Variants in DOK5 observed in about 807,000 individuals in gnomAD.
DOK5 encodes downstream of tyrosine kinase 5.
In DOK5, 27 loss-of-function variants were observed where a neutral mutation model predicts 43.3. That is an observed-to-expected ratio of 0.62 (90% CI 0.46 to 0.86). The LOEUF (loss-of-function observed/expected upper bound fraction) is 0.86, where lower values mean the gene tolerates loss of function less well. Ranked by LOEUF, DOK5 falls within the 40% of genes least tolerant of loss-of-function variation. The pLI, the probability that DOK5 is intolerant of heterozygous loss-of-function variation, is 0.00. For missense variants in DOK5, 373 were observed against 392.9 expected (o/e 0.95, Z 0.43); for synonymous variants, 146 against 140.1 (o/e 1.04, Z -0.30).
intron 1 of DOK5, among the ~76,000 whole-genome samples, chr20:54,543,620 A>G (rs1044080273): frequency 6.6e-6 from 1 of 150,582 alleles, no homozygotes; most frequent in Admixed American, 6.6e-5. Flanking sequence ...GAGAGAGAGG[A>G]GGGGAAGGGA....
chr20:54,486,126 C>T (rs1386451868), intron 1 of DOK5, among the ~76,000 whole-genome samples: 2 of 152,088 alleles, frequency 1.3e-5, no homozygotes, highest in Non-Finnish European at 2.9e-5. Flanking sequence ...ATAGTTTTAT[C>T]TTTTATATTT....
rs775413736 is a variant in DOK5, at chr20:54,588,517, G to A, written c.209G>A (p.Arg70Gln). ...CTCAATAATGTGAAGAACGTAGCTC[G>A]ATTGCCAAAAAGCACCAAGAAACAT... Reference protein sequence around the residue: ...TELNNVKNVARLPKSTKKHAI... With the variant: ...TELNNVKNVAQLPKSTKKHAI... Residue 70 changes from arginine to glutamine, a missense_variant, in exon 3 of 8, where the codon CGA becomes CAA. Arg to Gln is a conservative substitution (Grantham distance 43, BLOSUM62 1). Coordinates refer to ENST00000262593, the MANE Select transcript of DOK5 (RefSeq NM_018431.5). The A allele has an allele frequency of 4.3e-6, 7 of 1,613,966 alleles. No homozygotes were observed. Among genetic ancestry groups the A allele is most frequent in the East Asian group, 2.2e-5 (1 of 44,890 alleles).
At chr20:54,504,538 T>A (rs900379182) in intron 1 of DOK5, among the ~76,000 whole-genome samples, 6 of 152,230 alleles carry the variant, frequency 3.9e-5, no homozygotes, top group Non-Finnish European at 8.8e-5. Flanking sequence ...AGTATCTTTC[T>A]CAACGTGAGG....
intron 1 of DOK5, among the ~76,000 whole-genome samples, chr20:54,485,465 T>A (rs1411876113): frequency 1.3e-5 from 2 of 152,110 alleles, no homozygotes; most frequent in Non-Finnish European, 2.9e-5. Flanking sequence ...CAGGTTGTTG[T>A]GTGTATAAGT....
intron 1 of DOK5, among the ~76,000 whole-genome samples, chr20:54,544,307 A>G (rs1258256193): frequency 6.6e-6 from 1 of 152,220 alleles, no homozygotes; most frequent in Admixed American, 6.5e-5. Flanking sequence ...TTCATAAAAT[A>G]CATGATTCTG....
intron 1 of DOK5, among the ~76,000 whole-genome samples, chr20:54,521,959 T>C (rs1983413616): frequency 6.6e-6 from 1 of 152,210 alleles, no homozygotes; most frequent in African/African-American, 2.4e-5. Flanking sequence ...AAATACATGT[T>C]TCTTGTTATA....
chr20:54,504,548 G>A (rs1022962674), intron 1 of DOK5, among the ~76,000 whole-genome samples: 6 of 152,174 alleles, frequency 3.9e-5, no homozygotes, highest in African/African-American at 1.4e-4. Context: ...TCAACGTGAG[G>A]TTCTGTGCCA....
intron 5 of DOK5, among the ~76,000 whole-genome samples, chr20:54,601,504 T>A (rs1986296736): frequency 6.6e-6 from 1 of 152,256 alleles, no homozygotes; most frequent in African/African-American, 2.4e-5. Flanking sequence ...TTATACTAGC[T>A]TTGTTCTATG....
At chr20:54,525,674 G>T (rs1354129735) in intron 1 of DOK5, among the ~76,000 whole-genome samples, 2 of 152,182 alleles carry the variant, frequency 1.3e-5, no homozygotes, top group Non-Finnish European at 2.9e-5. Flanking sequence ...CTACATTGAT[G>T]CAGAAGTCCA....
At chr20:54,542,992 T>C (rs536928560) in intron 1 of DOK5, among the ~76,000 whole-genome samples, 1 of 152,142 alleles carries the variant, frequency 6.6e-6, no homozygotes, top group South Asian at 2.1e-4. Context: ...TAGCTTAGAG[T>C]AGAGTAGCAT....
At chr20:54,492,563 CT>C (rs1370575977) in intron 1 of DOK5, among the ~76,000 whole-genome samples, 1 of 151,708 alleles carries the variant, frequency 6.6e-6, no homozygotes, top group Non-Finnish European at 1.5e-5. Flanking sequence ...AAGATAAGTC[CT>C]AAAAAAAAGA....
At chr20:54,646,705 T>C (rs1261859299) in intron 7 of DOK5, among the ~76,000 whole-genome samples, 1 of 152,210 alleles carries the variant, frequency 6.6e-6, no homozygotes, top group Non-Finnish European at 1.5e-5. Context: ...CTATACTACC[T>C]ACCTTCCCTC....
chr20:54,476,260 C>T, intron 1 of DOK5: 1 of 933,878 alleles, frequency 1.1e-6, no homozygotes, highest in Non-Finnish European at 1.3e-6. Flanking sequence ...GCTTCAGTAG[C>T]CCCTGGAGCC....
chr20:54,570,668 C>T (rs1985254876), intron 2 of DOK5, among the ~76,000 whole-genome samples: 3 of 151,810 alleles, frequency 2.0e-5, no homozygotes, highest in African/African-American at 7.3e-5. Context: ...TGGCTTTTGA[C>T]TTTGCAGCAT....
chr20:54,546,634 G>C (rs762646160), intron 1 of DOK5, among the ~76,000 whole-genome samples: 1 of 150,366 alleles, frequency 6.7e-6, no homozygotes, highest in Non-Finnish European at 1.5e-5. Context: ...TTTAGAGTTT[G>C]GAGAGAATGC....
intron 1 of DOK5, among the ~76,000 whole-genome samples, chr20:54,544,098 T>A (rs1433800534): frequency 6.6e-6 from 1 of 152,232 alleles, no homozygotes; most frequent in Non-Finnish European, 1.5e-5. Context: ...GGATTTTTAA[T>A]CTTCTTTATA....
intron 6 of DOK5, among the ~76,000 whole-genome samples, chr20:54,611,699 T>C (rs1420587796): frequency 6.6e-6 from 1 of 152,228 alleles, no homozygotes; most frequent in Non-Finnish European, 1.5e-5. Context: ...AATGTATATA[T>C]AGAGCTTCAC....
At chr20:54,566,679 T>C (rs1985110060) in intron 2 of DOK5, among the ~76,000 whole-genome samples, 1 of 152,218 alleles carries the variant, frequency 6.6e-6, no homozygotes, top group African/African-American at 2.4e-5. Flanking sequence ...TGCAGTGGTA[T>C]GATTAGGGTT....
intron 6 of DOK5, among the ~76,000 whole-genome samples, chr20:54,619,023 T>TTATATATATATA (rs11468808): frequency 2.3e-5 from 1 of 43,402 alleles, no homozygotes; most frequent in Non-Finnish European, 4.6e-5. Context: ...TTTCAATAAA[T>TTATATATATATA]TATATATATA....
Sources: allele counts gnomAD v4.1 joint callset (sites outside exome capture counted in the v4.1 genomes callset), GRCh38; gene constraint gnomAD v4.1.1; transcripts MANE v1.5; gene names NCBI Gene and HGNC (gene_info 2026-07-23, HGNC 2026-07-21).